The following FKBP15 variants were observed in gnomAD, a reference collection of about 807,000 sequenced individuals.
The protein encoded by FKBP15 is FKBP prolyl isomerase family member 15, also known as FK506-binding protein 15.
FKBP15 carries 106 observed loss-of-function variants against 158.1 expected under a neutral mutation model. The ratio of observed to expected loss-of-function variants is 0.67; its 90% CI spans 0.57 to 0.79. FKBP15 has a LOEUF of 0.79. Among genes scored for constraint, FKBP15 ranks in the 30% least tolerant of loss-of-function variants. The probability of loss-of-function intolerance (pLI) is 0.00; values close to 1 mark genes in which losing one functional copy is unlikely to be tolerated. For synonymous variants in FKBP15, 547 were observed against 548.6 expected, an observed-to-expected ratio of 1.00 and a Z score of 0.04; for missense variants, 1,287 against 1,479.1, an observed-to-expected ratio of 0.87 and a Z score of 2.13.
chr9:113,206,979 C>T (rs1830900578), intron 3 of FKBP15: 1 of 478,294 alleles, frequency 2.1e-6, no homozygotes, highest in Non-Finnish European at 3.8e-6. Context: ...TTTCTTTGAG[C>T]ATTTGACAGC....
At chr9:113,186,388 G>C (rs779074143) in intron 14 of FKBP15, 25 bp from the exon 15 acceptor site, 1 of 1,439,616 alleles carries the variant, frequency 6.9e-7, no homozygotes, top group Non-Finnish European at 9.6e-7. Flanking sequence ...AGTTACCACT[G>C]GTTGATAAAA....
chr9:113,202,508 CA>C, intron 6 of FKBP15, 22 bp downstream of exon 6: 1 of 1,517,566 alleles, frequency 6.6e-7, no homozygotes. Context: ...TGGCTTTTCA[CA>C]GGGAGAGTAA....
In FKBP15 at chr9:113,182,779, G is replaced by C; in HGVS notation, c.1901C>G (p.Ala634Gly). ...CAGTTGCTTTACCTTCTCTTGTTCA[G>C]CATGCAATACTCTTGCCTGTGTGTT... ...TENTQARVLHAEQEKAKVTEE... is the reference protein window; with the variant it reads ...TENTQARVLHGEQEKAKVTEE... The change falls in exon 19 of 28, where the codon GCT (alanine) becomes GGT (glycine). Residue 634 changes from alanine to glycine, a missense_variant. Transcript: ENST00000238256. 1 of 1,613,496 alleles carries C rather than the reference G, an allele frequency of 6.2e-7. No individual in the cohort carries two copies. Among genetic ancestry groups the C allele is most frequent in the Non-Finnish European group, 8.5e-7 (1 of 1,179,522 alleles).
At position 113,161,770 on chromosome 9, in the gene FKBP15, C is replaced by T. The variant is rs778027911; in HGVS notation, c.*4308G>A. 6.6e-7 allele frequency: 1 copy of T among 1,515,720 alleles called. No individual in the cohort carries two copies. Among genetic ancestry groups the T allele is most frequent in the East Asian group, 2.3e-5 (1 of 44,410 alleles). The allele number at this position is 1,515,720 out of a possible 1,614,324, so 93.9% of individuals were successfully genotyped here. A position where few individuals can be genotyped will look rare whatever the true frequency, so the allele number is the denominator to read the frequency against. On this transcript the variant is annotated 3_prime_UTR_variant, in exon 28 of 28. Coordinates refer to ENST00000238256, the MANE Select transcript of FKBP15 (RefSeq NM_015258.2). ...CTGAGAGACAGGCTGGCCCAGACAG[C>T]ATTAGCCCCACTTCACAGAGAGGAC...
chr9:113,218,399 A>AAAAAATTG (rs1831188301), intron 1 of FKBP15, among the ~76,000 whole-genome samples: 1 of 147,246 alleles, frequency 6.8e-6, no homozygotes, highest in African/African-American at 2.5e-5. Context: ...ATATATATAT[A>AAAAAATTG]TATATATATA....
chr9:113,196,422 C>T (rs1419186486), intron 9 of FKBP15, among the ~76,000 whole-genome samples: 1 of 144,182 alleles, frequency 6.9e-6, no homozygotes, highest in Non-Finnish European at 1.5e-5. Context: ...CTTGCTCTGT[C>T]GCCCAGGCTG....
rs373441082 is a variant in FKBP15 at position 113,171,575 on chromosome 9, G to C, written c.2658+6C>G. The C allele has an allele frequency of 3.1e-6, 5 of 1,607,038 alleles. No individual in the cohort carries two copies. Among genetic ancestry groups the C allele is most frequent in the Non-Finnish European group, 4.2e-6 (5 of 1,176,518 alleles). The stretch of plus-strand genomic sequence containing the variant: ...GGCTTGCTTCTCATTTGAAATACCA[G>C]CTCACCTTCTCTGAGGGGTCAGATG... On this transcript the variant is annotated splice_donor_region_variant and intron_variant, in intron 24 of 27. Transcript: ENST00000238256.
intron 1 of FKBP15, among the ~76,000 whole-genome samples, chr9:113,213,309 T>C (rs935827299): frequency 1.3e-5 from 2 of 151,776 alleles, no homozygotes; most frequent in Non-Finnish European, 2.9e-5. Context: ...CTCGGGAGGC[T>C]GAGGCAGGAG....
intron 3 of FKBP15, chr9:113,207,001 C>G: frequency 1.9e-6 from 1 of 523,814 alleles, no homozygotes; most frequent in Non-Finnish European, 3.4e-6. Flanking sequence ...GTTGAGGGTA[C>G]AAGCACTCCC....
intron 2 of FKBP15, among the ~76,000 whole-genome samples, chr9:113,211,141 C>T (rs1322425514): frequency 6.6e-6 from 1 of 152,142 alleles, no homozygotes; most frequent in Admixed American, 6.5e-5. Context: ...CTAGAGAACC[C>T]TAATACACTC....
chr9:113,170,676 G>C, intron 24 of FKBP15, 47 bp from the exon 25 acceptor site: 2 of 1,428,224 alleles, frequency 1.4e-6, no homozygotes, highest in Non-Finnish European at 2.0e-6. Flanking sequence ...GTCACTAAAG[G>C]ATGCATTAAA....
intron 2 of FKBP15, among the ~76,000 whole-genome samples, chr9:113,210,855 C>T (rs573401527): frequency 5.3e-5 from 8 of 152,308 alleles, no homozygotes; most frequent in East Asian, 3.9e-4. Context: ...TGCTTTCTGC[C>T]GTCGAACATC....
Position 113,162,227 on chromosome 9 carries a change from G to T in FKBP15, c.*3851C>A. ...GCTCCATCACTAGCCACCCTACATGGGTGTCTCAGATCTTCACAACTGCAC... is the reference window on the plus strand; with the variant it reads ...GCTCCATCACTAGCCACCCTACATGTGTGTCTCAGATCTTCACAACTGCAC... On this transcript the variant is annotated 3_prime_UTR_variant, in exon 28 of 28. Coordinates refer to ENST00000238256, the MANE Select transcript of FKBP15 (RefSeq NM_015258.2). The T allele has an allele frequency of 3.7e-6, 1 of 267,376 alleles. No individual in the cohort carries two copies. The highest frequency in any genetic ancestry group is 7.3e-6 in the Non-Finnish European group (1 of 136,730). The allele number at this position is 267,376 out of a possible 1,614,324, so 16.6% of individuals were successfully genotyped here. A position where few individuals can be genotyped will look rare whatever the true frequency, so the allele number is the denominator to read the frequency against.
chr9:113,183,256 G>A (rs1830431935), intron 18 of FKBP15, among the ~76,000 whole-genome samples: 1 of 152,110 alleles, frequency 6.6e-6, no homozygotes, highest in Admixed American at 6.5e-5. Context: ...TTTTTTTTAA[G>A]TGAAATGCTG....
intron 1 of FKBP15, among the ~76,000 whole-genome samples, chr9:113,213,390 C>T (rs935680888): frequency 1.3e-5 from 2 of 148,428 alleles, no homozygotes; most frequent in African/African-American, 2.5e-5. Context: ...GCCTAGGCAA[C>T]GAGAGCGAAA....
chr9:113,178,653 GT>G lies in FKBP15; in HGVS notation c.2062del (p.Thr688ProfsTer35). 1 of 1,610,070 alleles carries G rather than the reference GT, an allele frequency of 6.2e-7. No individual in the cohort carries two copies. Among genetic ancestry groups the G allele is most frequent in the Non-Finnish European group, 8.5e-7 (1 of 1,178,516 alleles). ...KETDLLRGQL[T>X]KVQAKLSELQ... is the part of the protein sequence containing the mutation. ...ACCTGAGAGCTTTGCCTGCACTTTG[GT>G]GAGCTGGCCCCTGAGAAGATCTGTC... is the stretch of plus-strand genomic sequence containing the variant. On this transcript the variant is annotated frameshift_variant, in exon 20 of 28. Coordinates refer to ENST00000238256, the MANE Select transcript of FKBP15 (RefSeq NM_015258.2). LOFTEE classifies it high-confidence loss of function.
intron 1 of FKBP15, among the ~76,000 whole-genome samples, chr9:113,218,215 T>C (rs1265758349): frequency 1.3e-5 from 2 of 151,888 alleles, no homozygotes; most frequent in African/African-American, 2.4e-5. Context: ...ATAACAACAA[T>C]AGCACATAGG....
chr9:113,202,715 T>A lies in FKBP15; in HGVS notation c.400-86A>T, dbSNP rs181670763. On this transcript the variant is annotated intron_variant, in intron 5 of 27. Coordinates refer to ENST00000238256, the MANE Select transcript of FKBP15 (RefSeq NM_015258.2). ...GGCCTAAGCTCATAGAGTAGGGTCT[T>A]GACTCAGGTGGACCCAAAGGGAACT... The A allele has an allele frequency of 2.8e-6, 3 of 1,057,530 alleles. No homozygotes were observed. In the East Asian group the frequency reaches 7.9e-5, roughly 28 times the overall value. 65.5% of individuals were successfully genotyped at this position (1,057,530 alleles called of 1,614,324 possible). A position where few individuals can be genotyped will look rare whatever the true frequency, so the allele number is the denominator to read the frequency against.
rs1481171450 is a variant in FKBP15, at chr9:113,164,703, CA to C, written c.*1374del. On this transcript the variant is annotated 3_prime_UTR_variant, in exon 28 of 28. Transcript: ENST00000238256. ...TGGCCAAGAGCCCAGGCTCTGGAAT[CA>C]GATGGCCAGGATTTGAATTCTTGTG... 6.6e-6 allele frequency: 1 copy of C among 152,222 alleles called. No individual in the cohort carries two copies. The highest frequency in any genetic ancestry group is 2.4e-5 in the African/African-American group (1 of 41,464). 9.4% of individuals were successfully genotyped at this position (152,222 alleles called of 1,614,324 possible).
Sources: allele counts gnomAD v4.1 joint callset (sites outside exome capture counted in the v4.1 genomes callset), GRCh38; gene constraint gnomAD v4.1.1; transcripts MANE v1.5; gene names NCBI Gene and HGNC (gene_info 2026-07-23, HGNC 2026-07-21).